TVP23A: variants seen among roughly 807,000 people sequenced by gnomAD.
TVP23A encodes trans-golgi network vesicle protein 23 homolog A.
A neutral mutation model predicts 31.7 loss-of-function variants in TVP23A; 21 were observed. That is an observed-to-expected ratio of 0.66 (90% CI 0.47 to 0.95). TVP23A has a LOEUF of 0.95. Ranked by LOEUF, TVP23A falls within the 40% of genes least tolerant of loss-of-function variation. The pLI, the probability that TVP23A is intolerant of heterozygous loss-of-function variation, is 0.00. For missense variants in TVP23A, 279 were observed against 255.6 expected (o/e 1.09, Z -0.62); for synonymous variants, 104 against 96.0 (o/e 1.08, Z -0.49).
chr16:10,815,505 G>A (rs1053128617), intron 2 of TVP23A, among the ~76,000 whole-genome samples: 2 of 152,176 alleles, frequency 1.3e-5, no homozygotes, highest in African/African-American at 2.4e-5. Context: ...GTTTTCAACC[G>A]GGGGCAAGTT....
At chr16:10,802,231 T>A (rs1262431176) in intron 2 of TVP23A, among the ~76,000 whole-genome samples, 1 of 145,406 alleles carries the variant, frequency 6.9e-6, no homozygotes, top group Non-Finnish European at 1.5e-5. Context: ...ATCCATGAGT[T>A]TATATGATAC....
chr16:10,771,743 A>G lies in TVP23A; in HGVS notation c.509T>C (p.Leu170Pro). The change falls in exon 6 of 8, where the codon CTT becomes CCT. Residue 170 changes from leucine (L) to proline (P), a missense_variant. By Grantham distance (98) the Leu-to-Pro change is moderately conservative. Transcript: ENST00000299866. ...GTCACTGTTGCCTCCCATCTTACAA[A>G]GGATGTAGCCATACAGGTTTGCAGC... Reference protein sequence around the residue: ...LQAANLYGYILCKMGGNSDIG... With the variant: ...LQAANLYGYIPCKMGGNSDIG... 4 of 1,608,402 alleles carry G rather than the reference A, an allele frequency of 2.5e-6. No individual in the cohort carries two copies. The highest frequency in any genetic ancestry group is 3.4e-6 in the Non-Finnish European group (4 of 1,177,368).
chr16:10,758,491 A>G (rs569366506), downstream of TVP23A, among the ~76,000 whole-genome samples: 1 of 152,228 alleles, frequency 6.6e-6, no homozygotes, highest in Non-Finnish European at 1.5e-5. Flanking sequence ...AAAATAAGAA[A>G]AACTTCATCT....
At chr16:10,782,770 C>T (rs1299687946) in intron 2 of TVP23A, among the ~76,000 whole-genome samples, 1 of 152,164 alleles carries the variant, frequency 6.6e-6, no homozygotes, top group African/African-American at 2.4e-5. Context: ...TCTCAAAGTG[C>T]TACAATTACA....
At chr16:10,812,940 C>G (rs1234164576) in intron 2 of TVP23A, among the ~76,000 whole-genome samples, 3 of 152,046 alleles carry the variant, frequency 2.0e-5, no homozygotes, top group Admixed American at 6.6e-5. Context: ...AGTTTGCCCA[C>G]CGGGGAAAAA....
intron 2 of TVP23A, among the ~76,000 whole-genome samples, chr16:10,798,242 C>T (rs1156814871): frequency 3.3e-5 from 5 of 151,836 alleles, no homozygotes; most frequent in African/African-American, 7.3e-5. Flanking sequence ...TACAGGTGTG[C>T]GCCCGCGCCC....
At chr16:10,769,142 G>A (rs757236292) in intron 7 of TVP23A, 41 bp from the exon 8 acceptor site, 21 of 1,603,478 alleles carry the variant, frequency 1.3e-5, no homozygotes, top group East Asian at 4.5e-5. Flanking sequence ...GTTACCGAGC[G>A]AGGCACTCAC....
intron 4 of TVP23A, 121 bp downstream of exon 4, chr16:10,773,918 G>T: frequency 1.3e-6 from 1 of 766,986 alleles, no homozygotes; most frequent in Non-Finnish European, 2.1e-6. Flanking sequence ...AGAGCACCTT[G>T]GCAATGGTGG....
Position 10,768,189 on chromosome 16 carries a change from C to A in TVP23A, c.*913G>T. 1.7e-6 allele frequency: 1 copy of A among 580,746 alleles called. No homozygotes were observed. Among genetic ancestry groups the A allele is most frequent in the East Asian group, 2.9e-5 (1 of 34,752 alleles). The allele number at this position is 580,746 out of a possible 1,614,324, so 36.0% of individuals were successfully genotyped here. A position where few individuals can be genotyped will look rare whatever the true frequency, so the allele number is the denominator to read the frequency against. On this transcript the variant is annotated 3_prime_UTR_variant, in exon 8 of 8. Transcript: ENST00000299866. The surrounding 1 kb of genome is among the most constrained non-coding windows in gnomAD (Gnocchi z 4.3). ...AGCCAGGAGTCCATGAGAAATCTCT[C>A]AATGTGTGAGTATTGTGAATTAATT...
In TVP23A at chr16:10,779,945, G is replaced by T. The variant is rs1408326538; in HGVS notation, c.90-4849C>A. Among the ~76,000 whole-genome samples the T allele has an allele frequency of 6.6e-6, 1 of 151,982 alleles. No homozygotes were observed. Among genetic ancestry groups the T allele is most frequent in the South Asian group, 2.1e-4 (1 of 4,818 alleles). On this transcript the variant is annotated intron_variant, in intron 2 of 7. Coordinates refer to ENST00000299866, the MANE Select transcript of TVP23A (RefSeq NM_001079512.4). The surrounding 1 kb of genome is among the most constrained non-coding windows in gnomAD (Gnocchi z 4.9). ...CTCTAATAAAAATACAAAAATTAGC[G>T]GGTGTGGTGGTGCACGCCTATAATT...
intron 6 of TVP23A, among the ~76,000 whole-genome samples, chr16:10,770,975 G>A (rs2031567973): frequency 1.3e-5 from 2 of 151,014 alleles, no homozygotes; most frequent in African/African-American, 4.9e-5. Context: ...AGTCACAAAA[G>A]GACAAAAACT....
At position 10,774,143 on chromosome 16, in the gene TVP23A, CAA is replaced by C; in HGVS notation, c.235-17_235-16del. On this transcript the variant is annotated splice_polypyrimidine_tract_variant and intron_variant, in intron 3 of 7. Coordinates refer to ENST00000299866, the MANE Select transcript of TVP23A (RefSeq NM_001079512.4). ...CCGGTTACATTCTGAGAACAATAGA[CAA>C]AGGACTCTGAGCAGGTCACAGGCAA... The C allele has an allele frequency of 1.3e-6, 2 of 1,594,944 alleles. No individual in the cohort carries two copies. Among genetic ancestry groups the C allele is most frequent in the Non-Finnish European group, 8.6e-7 (1 of 1,167,640 alleles).
intron 2 of TVP23A, among the ~76,000 whole-genome samples, chr16:10,776,031 A>G (rs1287171652): frequency 6.6e-6 from 1 of 151,228 alleles, no homozygotes; most frequent in African/African-American, 2.4e-5. Context: ...TTACAGGCAT[A>G]AGCAACCACG....
intron 2 of TVP23A, among the ~76,000 whole-genome samples, chr16:10,814,551 T>C (rs2034349938): frequency 6.6e-6 from 1 of 152,096 alleles, no homozygotes; most frequent in South Asian, 2.1e-4. Context: ...TCCCTGCCAG[T>C]GCCTTGGTCT....
At chr16:10,762,831 GC>G (rs1159543582), downstream of TVP23A, among the ~76,000 whole-genome samples, 1 of 147,932 alleles carries the variant, frequency 6.8e-6, no homozygotes, top group Admixed American at 6.7e-5. Context: ...AGAGGGCGGG[GC>G]CCGTGGAGAG....
intron 2 of TVP23A, among the ~76,000 whole-genome samples, chr16:10,784,942 C>T (rs1345957698): frequency 6.7e-6 from 1 of 149,106 alleles, no homozygotes; most frequent in Non-Finnish European, 1.5e-5. Context: ...CTCTAAAATA[C>T]AAAAAGTAGC....
At position 10,818,458 on chromosome 16, in the gene TVP23A, C is replaced by T. The variant is rs2034541727; in HGVS notation, c.9+27G>A. 1 of 1,602,918 alleles carries T rather than the reference C, an allele frequency of 6.2e-7. No homozygotes were observed. Among genetic ancestry groups the T allele is most frequent in the African/African-American group, 1.3e-5 (1 of 74,804 alleles). ...AGGCTCCCCTCGTCCCGCCCCGCCT[C>T]CAGCCCCAGCATCCCCGAGGCCCTA... On this transcript the variant is annotated intron_variant, in intron 1 of 7. Coordinates refer to ENST00000299866, the MANE Select transcript of TVP23A (RefSeq NM_001079512.4). This position sits in a 1 kb window ranked among gnomAD's most constrained non-coding sequence, Gnocchi z 4.7.
At chr16:10,761,933 G>C (rs1034399271), downstream of TVP23A, 1 of 1,185,972 alleles carries the variant, frequency 8.4e-7, no homozygotes, top group Non-Finnish European at 1.2e-6. Flanking sequence ...CACAACAGGG[G>C]GCGGCTACAG....
At chr16:10,793,181 C>G (rs982141064) in intron 2 of TVP23A, among the ~76,000 whole-genome samples, 11 of 152,164 alleles carry the variant, frequency 7.2e-5, no homozygotes, top group Middle Eastern at 6.8e-3. Flanking sequence ...CCTATCTACT[C>G]GGGAAGCTGA....
Sources: allele counts gnomAD v4.1 joint callset (sites outside exome capture counted in the v4.1 genomes callset), GRCh38; gene constraint gnomAD v4.1.1; non-coding constraint Gnocchi (gnomAD v3.1); transcripts MANE v1.5; gene names NCBI Gene and HGNC (gene_info 2026-07-23, HGNC 2026-07-21).